The following SDCCAG8 variants were observed in gnomAD, a reference collection of about 807,000 sequenced individuals.
SDCCAG8 encodes SHH signaling and ciliogenesis regulator SDCCAG8.
In SDCCAG8, 74 loss-of-function variants were observed where a neutral mutation model predicts 101.8. The observed-to-expected ratio is 0.73, with a 90% CI of 0.60 to 0.88. The LOEUF (loss-of-function observed/expected upper bound fraction) is 0.88, where lower values mean the gene tolerates loss of function less well. Ranked by LOEUF, SDCCAG8 falls within the 40% of genes least tolerant of loss-of-function variation. SDCCAG8 has a pLI of 0.00. For missense variants in SDCCAG8, 787 were observed against 822.6 expected (o/e 0.96, Z 0.53); for synonymous variants, 281 against 292.9 (o/e 0.96, Z 0.41).
At chr1:243,332,654 C>T (rs1013801961) in intron 10 of SDCCAG8, among the ~76,000 whole-genome samples, 7 of 144,168 alleles carry the variant, frequency 4.9e-5, no homozygotes, top group African/African-American at 1.3e-4. Flanking sequence ...GTGATTATCG[C>T]GGTCCCGGTC....
rs78053387 is a variant in SDCCAG8 at position 243,458,426 on chromosome 1, G to A, written c.1986-30588G>A. On this transcript the variant is annotated intron_variant, in intron 16 of 17. Coordinates refer to ENST00000366541, the MANE Select transcript of SDCCAG8 (RefSeq NM_006642.5). The surrounding 1 kb of genome is among the most constrained non-coding windows in gnomAD (Gnocchi z 4.5). ...AAGATATAATAAATATATAATAATC[G>A]TCATTGTAATTCTCATCACTGTAGT... 4.8e-3 allele frequency among the ~76,000 whole-genome samples: 721 copies of A among 151,778 alleles called. 2 individuals are homozygous for A. The highest frequency in any genetic ancestry group is 7.4e-3 in the Non-Finnish European group (500 of 67,938).
intron 6 of SDCCAG8, among the ~76,000 whole-genome samples, chr1:243,303,032 A>G (rs1317098764): frequency 6.6e-6 from 1 of 152,246 alleles, no homozygotes; most frequent in Non-Finnish European, 1.5e-5. Flanking sequence ...AAATCATGAA[A>G]GAGATTGTGG....
chr1:243,444,015 A>G (rs1574075835), intron 16 of SDCCAG8, among the ~76,000 whole-genome samples: 1 of 152,224 alleles, frequency 6.6e-6, no homozygotes, highest in Non-Finnish European at 1.5e-5. Context: ...AAGGCAGCAC[A>G]CAAACTGAAA....
chr1:243,415,875 C>A, intron 14 of SDCCAG8, 46 bp downstream of exon 14: 1 of 1,605,670 alleles, frequency 6.2e-7, no homozygotes, highest in South Asian at 1.1e-5. Context: ...GCTCACAAGT[C>A]AGGCCCACGC....
chr1:243,258,499 G>A (rs1391907340), intron 1 of SDCCAG8, among the ~76,000 whole-genome samples: 1 of 152,178 alleles, frequency 6.6e-6, no homozygotes, highest in Non-Finnish European at 1.5e-5. Flanking sequence ...CTGCCTCCTG[G>A]ATTCAAGCAA....
chr1:243,489,198 C>CT, intron 17 of SDCCAG8, 58 bp downstream of exon 17: 1 of 1,591,888 alleles, frequency 6.3e-7, no homozygotes, highest in South Asian at 1.1e-5. Flanking sequence ...ACAGGTGGAT[C>CT]TTTTATGCAC....
At chr1:243,475,782 A>G in intron 16 of SDCCAG8, 1 of 194,798 alleles carries the variant, frequency 5.1e-6, no homozygotes, top group Non-Finnish European at 9.4e-6. Context: ...TTGGGCTAAA[A>G]TGGGGCATTC....
chr1:243,429,096 G>A (rs552660198), intron 16 of SDCCAG8, among the ~76,000 whole-genome samples: 1 of 152,270 alleles, frequency 6.6e-6, no homozygotes, highest in South Asian at 2.1e-4. Flanking sequence ...AAGTCATGAC[G>A]TTACAAGCAA....
At chr1:243,499,503 G>A (rs1008041370) in intron 17 of SDCCAG8, among the ~76,000 whole-genome samples, 1 of 152,204 alleles carries the variant, frequency 6.6e-6, no homozygotes, top group African/African-American at 2.4e-5. Context: ...TATTTAAGAG[G>A]CAGGCGTGTC....
intron 9 of SDCCAG8, among the ~76,000 whole-genome samples, chr1:243,318,262 C>T (rs1336164240): frequency 1.3e-5 from 2 of 152,156 alleles, no homozygotes; most frequent in African/African-American, 4.8e-5. Context: ...AACAGAAAGC[C>T]AAATACTGCA....
intron 16 of SDCCAG8, 70 bp downstream of exon 16, chr1:243,426,628 T>G (rs975180274): frequency 6.3e-7 from 1 of 1,576,056 alleles, no homozygotes; most frequent in Non-Finnish European, 8.7e-7. Context: ...TGAAGGGGAA[T>G]TGCTGCGGAA....
intron 15 of SDCCAG8, among the ~76,000 whole-genome samples, chr1:243,421,807 T>A (rs932940146): frequency 1.3e-5 from 2 of 152,210 alleles, no homozygotes; most frequent in Non-Finnish European, 2.9e-5. Flanking sequence ...CCCAGTACTC[T>A]GAGAGCTTAT....
intron 7 of SDCCAG8, chr1:243,305,783 G>C (rs941100889): frequency 2.6e-5 from 4 of 152,066 alleles, no homozygotes; most frequent in Non-Finnish European, 4.4e-5. Flanking sequence ...GACATAACTA[G>C]AGTAATACTA....
chr1:243,460,803 G>A (rs910958591), intron 16 of SDCCAG8, among the ~76,000 whole-genome samples: 1 of 152,078 alleles, frequency 6.6e-6, no homozygotes, highest in African/African-American at 2.4e-5. Context: ...CACCCCTGAC[G>A]GCAGCGTGTT....
chr1:243,446,863 C>T (rs1186568659), intron 16 of SDCCAG8, among the ~76,000 whole-genome samples: 2 of 152,162 alleles, frequency 1.3e-5, no homozygotes, highest in South Asian at 2.1e-4. Context: ...TGATTGACTC[C>T]TTGCATAAAA....
At chr1:243,373,147 CA>C (rs1241397972) in intron 12 of SDCCAG8, among the ~76,000 whole-genome samples, 1 of 151,440 alleles carries the variant, frequency 6.6e-6, no homozygotes, top group Non-Finnish European at 1.5e-5. Context: ...GGATCTTGGC[CA>C]AAAAAATGTT....
At chr1:243,470,635 C>T (rs955968384) in intron 16 of SDCCAG8, among the ~76,000 whole-genome samples, 2 of 152,158 alleles carry the variant, frequency 1.3e-5, no homozygotes, top group African/African-American at 4.8e-5. Flanking sequence ...GGTGCCGACT[C>T]ATTAGCATAC....
chr1:243,495,650 G>A (rs1369397605), intron 17 of SDCCAG8, among the ~76,000 whole-genome samples: 2 of 152,226 alleles, frequency 1.3e-5, no homozygotes, highest in Non-Finnish European at 2.9e-5. Flanking sequence ...GGGGCCTGAG[G>A]GTGGCTGACT....
chr1:243,257,744 C>A (rs1391565609), intron 1 of SDCCAG8, among the ~76,000 whole-genome samples: 1 of 152,142 alleles, frequency 6.6e-6, no homozygotes, highest in African/African-American at 2.4e-5. Flanking sequence ...TAATGAACAC[C>A]TTCCTCAACC....
Sources: gnomAD v4.1 joint callset for allele counts (sites outside exome capture counted in the v4.1 genomes callset) on GRCh38, gnomAD v4.1.1 for gene constraint, Gnocchi (gnomAD v3.1) non-coding constraint, MANE v1.5 for transcripts, NCBI Gene and HGNC (gene_info 2026-07-23, HGNC 2026-07-21) for gene names.